NPAS3: variants seen among roughly 807,000 people sequenced by gnomAD.
NPAS3 encodes neuronal PAS domain protein 3.
A neutral mutation model predicts 73.1 loss-of-function variants in NPAS3; 14 were observed. That is an observed-to-expected ratio of 0.19 (90% confidence interval 0.13 to 0.30). NPAS3 has a LOEUF of 0.30. Among genes scored for constraint, NPAS3 ranks in the 10% least tolerant of loss-of-function variants. The probability of loss-of-function intolerance (pLI) is 1.00; values close to 1 mark genes in which losing one functional copy is unlikely to be tolerated. For synonymous variants in NPAS3, 620 were observed against 541.5 expected, an observed-to-expected ratio of 1.14 and a Z score of -2.01; for missense variants, 1,096 against 1,250.0, an observed-to-expected ratio of 0.88 and a Z score of 1.86.
chr14:33,154,466 G>A lies in NPAS3; in HGVS notation c.141-60716G>A, dbSNP rs553710595. Among the ~76,000 whole-genome samples the A allele has an allele frequency of 1.9e-3, 289 of 152,306 alleles. 1 individual carries two copies. The highest frequency in any genetic ancestry group is 6.6e-3 in the African/African-American group (274 of 41,572). ...CCATCGACCAGGTGTCTCCTGCTTC[G>A]TGGTTTATAGGTCACCTTTGCACAG... is the stretch of plus-strand genomic sequence containing the variant. On this transcript the variant is annotated intron_variant, in intron 2 of 11. Coordinates refer to ENST00000356141, the Ensembl canonical transcript of NPAS3.
chr14:33,746,291 C>T (rs1198658205), intron 7 of NPAS3, among the ~76,000 whole-genome samples: 6 of 151,642 alleles, frequency 4.0e-5, no homozygotes, highest in African/African-American at 1.2e-4. Flanking sequence ...CGGGTTCAAG[C>T]GATTCTCCTG....
chr14:33,027,300 C>T (rs1413540725), intron 1 of NPAS3, among the ~76,000 whole-genome samples: 2 of 152,106 alleles, frequency 1.3e-5, no homozygotes, highest in African/African-American at 4.8e-5. Flanking sequence ...AATAGCAAGG[C>T]AGTTCAGAGA....
At chr14:33,250,597 C>A (rs2139888034) in intron 3 of NPAS3, among the ~76,000 whole-genome samples, 1 of 152,230 alleles carries the variant, frequency 6.6e-6, no homozygotes, top group South Asian at 2.1e-4. Context: ...TGTCTGTTTA[C>A]TTTGACTTGC....
intron 4 of NPAS3, among the ~76,000 whole-genome samples, chr14:33,503,482 G>C (rs900851875): frequency 6.6e-6 from 1 of 151,974 alleles, no homozygotes; most frequent in South Asian, 2.1e-4. Context: ...TGGTGAAACC[G>C]AGTGATACCT....
At chr14:33,732,765 T>A (rs1199320015) in intron 6 of NPAS3, among the ~76,000 whole-genome samples, 1 of 152,174 alleles carries the variant, frequency 6.6e-6, no homozygotes, top group Non-Finnish European at 1.5e-5. Context: ...ATAATTAACG[T>A]TGCCCCTGTA....
At chr14:33,061,622 G>A (rs1265055672) in intron 2 of NPAS3, among the ~76,000 whole-genome samples, 1 of 151,992 alleles carries the variant, frequency 6.6e-6, no homozygotes, top group Admixed American at 6.6e-5. Context: ...ATTATTTAGG[G>A]GTTATTCTAG....
At chr14:33,166,489 T>A (rs1055119151) in intron 2 of NPAS3, among the ~76,000 whole-genome samples, 2 of 152,208 alleles carry the variant, frequency 1.3e-5, no homozygotes, top group Non-Finnish European at 2.9e-5. Context: ...AGAGGTAGAC[T>A]CTTGGAGGGA....
chr14:33,575,559 T>C (rs920461537), intron 5 of NPAS3, among the ~76,000 whole-genome samples: 1 of 152,178 alleles, frequency 6.6e-6, no homozygotes, highest in Non-Finnish European at 1.5e-5. Context: ...CAGAACATAA[T>C]TGGTAAAAAG....
chr14:33,385,032 A>T (rs899333262), intron 4 of NPAS3, among the ~76,000 whole-genome samples: 3 of 152,198 alleles, frequency 2.0e-5, no homozygotes, highest in African/African-American at 4.8e-5. Context: ...GCAGGAGGAC[A>T]CGTCATTGTG....
chr14:33,192,056 C>A (rs2046191110), intron 2 of NPAS3, among the ~76,000 whole-genome samples: 1 of 152,138 alleles, frequency 6.6e-6, no homozygotes, highest in African/African-American at 2.4e-5. Context: ...AGCTCACCTG[C>A]CAGGTGTTGT....
intron 7 of NPAS3, among the ~76,000 whole-genome samples, chr14:33,757,625 T>C (rs2062155653): frequency 6.6e-6 from 1 of 152,204 alleles, no homozygotes. Flanking sequence ...ATTACAGTGA[T>C]GGCACTTGGA....
At chr14:33,591,478 C>T (rs979421805) in intron 5 of NPAS3, among the ~76,000 whole-genome samples, 2 of 152,180 alleles carry the variant, frequency 1.3e-5, no homozygotes, top group Non-Finnish European at 2.9e-5. Context: ...GCGGTAAAAG[C>T]TCTGCATCCC....
intron 3 of NPAS3, among the ~76,000 whole-genome samples, chr14:33,266,462 G>C (rs923218346): frequency 6.6e-6 from 1 of 152,126 alleles, no homozygotes; most frequent in Middle Eastern, 3.2e-3. Flanking sequence ...AGCCAAAGAT[G>C]ATTATGCCAT....
intron 4 of NPAS3, among the ~76,000 whole-genome samples, chr14:33,500,697 C>T (rs966637930): frequency 1.3e-5 from 2 of 151,926 alleles, no homozygotes; most frequent in Non-Finnish European, 2.9e-5. Flanking sequence ...AAAACAAAAC[C>T]TCTTCAGTTG....
At chr14:33,743,767 C>G (rs756808671) in intron 7 of NPAS3, among the ~76,000 whole-genome samples, 1 of 152,232 alleles carries the variant, frequency 6.6e-6, no homozygotes, top group Non-Finnish European at 1.5e-5. Flanking sequence ...CATCAATGAT[C>G]TTAGCTAGAT....
At chr14:33,182,297 G>T (rs1162932770) in intron 2 of NPAS3, among the ~76,000 whole-genome samples, 2 of 152,086 alleles carry the variant, frequency 1.3e-5, no homozygotes, top group African/African-American at 4.8e-5. Flanking sequence ...AAACATAGTA[G>T]TATGAAATAC....
At chr14:33,218,535 G>A (rs1410071609) in intron 3 of NPAS3, among the ~76,000 whole-genome samples, 2 of 152,104 alleles carry the variant, frequency 1.3e-5, no homozygotes, top group African/African-American at 2.4e-5. Context: ...GGATAAACAA[G>A]CTTATATAAA....
chr14:33,103,825 GCTT>G (rs1177016837), intron 2 of NPAS3, among the ~76,000 whole-genome samples: 1 of 152,108 alleles, frequency 6.6e-6, no homozygotes, highest in Non-Finnish European at 1.5e-5. Context: ...TAAGATTTAG[GCTT>G]CTTTTAAGAG....
intron 4 of NPAS3, among the ~76,000 whole-genome samples, chr14:33,541,441 C>CA (rs2054514178): frequency 6.6e-6 from 1 of 152,152 alleles, no homozygotes; most frequent in Non-Finnish European, 1.5e-5. Flanking sequence ...GATGCAGTGA[C>CA]AGGCTGGGGT....
Sources: gnomAD v4.1 joint callset for allele counts (sites outside exome capture counted in the v4.1 genomes callset) on GRCh38, gnomAD v4.1.1 for gene constraint, MANE v1.5 for transcripts, NCBI Gene and HGNC (gene_info 2026-07-23, HGNC 2026-07-21) for gene names.